The following STK32B variants were observed in gnomAD, a reference collection of about 807,000 sequenced individuals.
STK32B encodes serine/threonine-protein kinase 32B.
Under a neutral mutation model 52.6 loss-of-function variants are expected in STK32B, and 43 were observed. That is an observed-to-expected ratio of 0.82 (90% CI 0.64 to 1.05). STK32B has a LOEUF of 1.05. Among genes scored for constraint, STK32B ranks in the 50% least tolerant of loss-of-function variants. The probability of loss-of-function intolerance (pLI) is 0.00; values close to 1 mark genes in which losing one functional copy is unlikely to be tolerated. For synonymous variants in STK32B, 238 were observed against 204.3 expected (o/e 1.17, Z -1.41); for missense variants, 621 against 534.6 (o/e 1.16, Z -1.59).
intron 11 of STK32B, among the ~76,000 whole-genome samples, chr4:5,480,984 G>T (rs1395364229): frequency 6.6e-6 from 1 of 152,070 alleles, no homozygotes; most frequent in African/African-American, 2.4e-5. Context: ...GTCTATCATT[G>T]TTGGACATTT....
intron 2 of STK32B, among the ~76,000 whole-genome samples, chr4:5,151,176 A>G (rs78788643): frequency 0.042 from 6,413 of 152,276 alleles, 426 homozygotes; most frequent in African/African-American, 0.14. Flanking sequence ...GCAAATTCAT[A>G]TAGAATGTAC....
At chr4:5,070,093 A>T (rs1711662978) in intron 1 of STK32B, among the ~76,000 whole-genome samples, 1 of 152,194 alleles carries the variant, frequency 6.6e-6, no homozygotes, top group African/African-American at 2.4e-5. Flanking sequence ...GCTTCCTCCC[A>T]GCGAACATTC....
chr4:5,294,118 G>A (rs1729051113), intron 3 of STK32B, among the ~76,000 whole-genome samples: 1 of 152,076 alleles, frequency 6.6e-6, no homozygotes, highest in South Asian at 2.1e-4. Flanking sequence ...CATTATTTCT[G>A]AGGCCTCTGT....
intron 6 of STK32B, among the ~76,000 whole-genome samples, chr4:5,428,145 T>C (rs195126): frequency 0.69 from 104,875 of 151,818 alleles, 37,457 homozygotes; most frequent in East Asian, 0.97. Flanking sequence ...TGATGGCTTA[T>C]ACCTGTAATC....
At chr4:5,295,857 T>G (rs1729164441) in intron 3 of STK32B, among the ~76,000 whole-genome samples, 1 of 151,922 alleles carries the variant, frequency 6.6e-6, no homozygotes, top group South Asian at 2.1e-4. Context: ...TCTAATTGTG[T>G]TATGGTGTCG....
chr4:5,326,514 T>C (rs1731883574), intron 3 of STK32B, among the ~76,000 whole-genome samples: 1 of 152,200 alleles, frequency 6.6e-6, no homozygotes, highest in African/African-American at 2.4e-5. Context: ...CTTCCCTCTC[T>C]GCAGGTTCTC....
intron 1 of STK32B, among the ~76,000 whole-genome samples, chr4:5,127,552 G>A (rs773593862): frequency 6.6e-6 from 1 of 152,162 alleles, no homozygotes; most frequent in Non-Finnish European, 1.5e-5. Context: ...CTCAGAATGC[G>A]ACCATATTTG....
intron 11 of STK32B, among the ~76,000 whole-genome samples, chr4:5,482,762 T>A (rs1159654102): frequency 6.6e-6 from 1 of 152,194 alleles, no homozygotes; most frequent in Non-Finnish European, 1.5e-5. Context: ...ATATGTCCCA[T>A]CAATACCTAA....
chr4:5,121,120 T>G (rs994580665), intron 1 of STK32B, among the ~76,000 whole-genome samples: 5 of 152,138 alleles, frequency 3.3e-5, no homozygotes, highest in Non-Finnish European at 5.9e-5. Flanking sequence ...ATTATATCAC[T>G]CTTAGGACTT....
chr4:5,218,019 A>G (rs1246178945), intron 3 of STK32B, among the ~76,000 whole-genome samples: 1 of 151,878 alleles, frequency 6.6e-6, no homozygotes, highest in African/African-American at 2.4e-5. Context: ...TACTCTTGGT[A>G]TTTTTTTCCT....
intron 3 of STK32B, among the ~76,000 whole-genome samples, chr4:5,276,373 A>G (rs977701343): frequency 4.6e-5 from 7 of 152,172 alleles, no homozygotes; most frequent in African/African-American, 1.4e-4. Flanking sequence ...TAGAATGTGC[A>G]TCCTACTTTG....
At chr4:5,220,216 C>T (rs1433639087) in intron 3 of STK32B, among the ~76,000 whole-genome samples, 1 of 152,196 alleles carries the variant, frequency 6.6e-6, no homozygotes, top group East Asian at 1.9e-4. Flanking sequence ...GGTCCTGAAG[C>T]ATTCACTCCG....
upstream of STK32B, among the ~76,000 whole-genome samples, chr4:5,051,124 T>C (rs1237390657): frequency 2.0e-5 from 3 of 152,056 alleles, no homozygotes; most frequent in African/African-American, 7.2e-5. Flanking sequence ...AATGGGCAAA[T>C]ACAGGCTAGC....
chr4:5,410,626 C>T (rs1035576288), intron 5 of STK32B, among the ~76,000 whole-genome samples: 3 of 152,202 alleles, frequency 2.0e-5, no homozygotes, highest in Non-Finnish European at 4.4e-5. Flanking sequence ...TACCAGGCTA[C>T]AGCCAGGCTC....
chr4:5,203,881 C>T (rs957245372), intron 3 of STK32B, among the ~76,000 whole-genome samples: 1 of 152,224 alleles, frequency 6.6e-6, no homozygotes, highest in African/African-American at 2.4e-5. Flanking sequence ...GGAATTCACA[C>T]ACCCCTCCCA....
At chr4:5,292,114 C>T (rs1295379618) in intron 3 of STK32B, among the ~76,000 whole-genome samples, 3 of 152,030 alleles carry the variant, frequency 2.0e-5, no homozygotes, top group Non-Finnish European at 4.4e-5. Flanking sequence ...ACGAGTGCAG[C>T]GGTCTTTTTT....
intron 8 of STK32B, chr4:5,458,443 AG>A (rs1716754857): frequency 6.6e-6 from 1 of 152,264 alleles, no homozygotes; most frequent in African/African-American, 2.4e-5. Context: ...TCACTATCCC[AG>A]TACCAGAGAT....
At chr4:5,165,370 G>A (rs920756253) in intron 2 of STK32B, among the ~76,000 whole-genome samples, 1 of 152,074 alleles carries the variant, frequency 6.6e-6, no homozygotes, top group Non-Finnish European at 1.5e-5. Flanking sequence ...TTTAATTTTG[G>A]AGAGTCTCTT....
In STK32B at chr4:5,324,096, G is replaced by C. The variant is rs554931144; in HGVS notation, c.261-7124G>C. Among the ~76,000 whole-genome samples the C allele has an allele frequency of 2.6e-5, 4 of 152,374 alleles. No homozygotes were observed. In the East Asian group the frequency reaches 7.7e-4, roughly 29 times the overall value. ...AGGCCGGGCACGGCAGCTCACACCTGTAATCCTAGCACTTTGGGAGGCCGA... is the reference window on the plus strand; with the variant it reads ...AGGCCGGGCACGGCAGCTCACACCTCTAATCCTAGCACTTTGGGAGGCCGA... On this transcript the variant is annotated intron_variant, in intron 3 of 11. Transcript: ENST00000282908.
Sources: allele counts gnomAD v4.1 joint callset (sites outside exome capture counted in the v4.1 genomes callset), GRCh38; gene constraint gnomAD v4.1.1; transcripts MANE v1.5; gene names NCBI Gene and HGNC (gene_info 2026-07-23, HGNC 2026-07-21).